Variants in ZIM2 observed in about 807,000 individuals in gnomAD.
ZIM2 encodes zinc finger protein 656.
Under a neutral mutation model 38.6 loss-of-function variants are expected in ZIM2, and 14 were observed. The observed-to-expected ratio is 0.36, with a 90% CI of 0.24 to 0.57. The LOEUF (loss-of-function observed/expected upper bound fraction) is 0.57. Among genes scored for constraint, ZIM2 ranks in the 20% least tolerant of loss-of-function variants. The pLI is 0.81. For synonymous variants in ZIM2, 247 were observed against 245.8 expected (o/e 1.00, Z -0.04); for missense variants, 680 against 695.1 (o/e 0.98, Z 0.24).
intron 11 of ZIM2, among the ~76,000 whole-genome samples, chr19:56,780,627 G>T (rs2046285531): frequency 6.6e-6 from 1 of 152,056 alleles, no homozygotes; most frequent in Non-Finnish European, 1.5e-5. Flanking sequence ...AAAAATGGAA[G>T]GTAACATCAT....
At chr19:56,805,016 G>A (rs1014842762) in intron 9 of ZIM2, among the ~76,000 whole-genome samples, 1 of 152,226 alleles carries the variant, frequency 6.6e-6, no homozygotes, top group African/African-American at 2.4e-5. Flanking sequence ...GAGTAGACTG[G>A]AGGGTTGGGT....
At chr19:56,816,677 C>G (rs1382328148) in intron 9 of ZIM2, 16 of 1,614,098 alleles carry the variant, frequency 9.9e-6, no homozygotes, top group Non-Finnish European at 1.4e-5. Flanking sequence ...TTATCTTTGT[C>G]ATCCCCAAAG....
At chr19:56,832,004 CAT>C (rs1000784500) in intron 2 of ZIM2, among the ~76,000 whole-genome samples, 23 of 152,114 alleles carry the variant, frequency 1.5e-4, no homozygotes, top group African/African-American at 5.1e-4. Context: ...AATAATCAAA[CAT>C]ATGGCAGTAC....
chr19:56,823,761 CCT>C (rs1179260525), intron 4 of ZIM2, 82 bp from the exon 5 acceptor site: 2 of 1,483,964 alleles, frequency 1.3e-6, no homozygotes, highest in Non-Finnish European at 1.9e-6. Context: ...GCCGCATCTC[CCT>C]GTCACAGACA....
Position 56,814,449 on chromosome 19 carries a change from G to T in ZIM2, c.490+3297C>A. Reference sequence around the variant, plus strand: ...ACTTACCACAATCCTTGCATTCATAGAATGGTATAGCTCCTTTGAGGGGCT... The same window carrying T: ...ACTTACCACAATCCTTGCATTCATATAATGGTATAGCTCCTTTGAGGGGCT... On this transcript the variant is annotated intron_variant, in intron 9 of 12. Coordinates refer to ENST00000629319, the MANE Select transcript of ZIM2 (RefSeq NM_001387356.1). This position sits in a 1 kb window ranked among gnomAD's most constrained non-coding sequence, Gnocchi z 5.8. 1 of 1,613,866 alleles carries T rather than the reference G, an allele frequency of 6.2e-7. No homozygotes were observed. The highest frequency in any genetic ancestry group is 8.5e-7 in the Non-Finnish European group (1 of 1,179,734).
rs1445911615 is a variant in ZIM2, at chr19:56,776,060, C to G, written c.836-531G>C. Among the ~76,000 whole-genome samples the G allele has an allele frequency of 1.1e-4, 16 of 145,414 alleles. No individual in the cohort carries two copies. The Admixed American group carries it at 1.1e-3, about 10-fold the overall frequency. On this transcript the variant is annotated intron_variant, in intron 12 of 12. Coordinates refer to ENST00000629319, the MANE Select transcript of ZIM2 (RefSeq NM_001387356.1). ...AGGTTGCAGTGAGCAGAGATCGCAC[C>G]ACTGCACTGCAGCCTGGATGACAGA... is the stretch of plus-strand genomic sequence containing the variant.
intron 10 of ZIM2, among the ~76,000 whole-genome samples, chr19:56,786,859 T>TA (rs1338518297): frequency 4.7e-4 from 72 of 152,130 alleles, no homozygotes; most frequent in African/African-American, 1.6e-3. Context: ...TTTTTTGAGA[T>TA]AGAGTCTCAC....
At chr19:56,783,410 G>A (rs2046427212) in intron 10 of ZIM2, among the ~76,000 whole-genome samples, 1 of 152,100 alleles carries the variant, frequency 6.6e-6, no homozygotes, top group African/African-American at 2.4e-5. Context: ...CAACCCAAGT[G>A]CCCATCTACA....
intron 9 of ZIM2, among the ~76,000 whole-genome samples, chr19:56,800,581 A>C (rs2047470222): frequency 6.6e-6 from 1 of 152,168 alleles, no homozygotes; most frequent in Admixed American, 6.5e-5. Context: ...TTATTTAAAA[A>C]GGTAGAAAGG....
At chr19:56,792,420 A>G (rs1384296721) in intron 9 of ZIM2, among the ~76,000 whole-genome samples, 1 of 149,830 alleles carries the variant, frequency 6.7e-6, no homozygotes. Flanking sequence ...AATTCTAGCT[A>G]CTCGGGAGGC....
At chr19:56,810,642 G>C in intron 9 of ZIM2, 1 of 945,022 alleles carries the variant, frequency 1.1e-6, no homozygotes, top group Middle Eastern at 5.4e-4. Context: ...AGGAATTTGA[G>C]ACAAAATATT....
chr19:56,837,221 A>G (rs2062244215), intron 1 of ZIM2, among the ~76,000 whole-genome samples: 1 of 152,036 alleles, frequency 6.6e-6, no homozygotes, highest in African/African-American at 2.4e-5. Flanking sequence ...CAGTTTCTCC[A>G]GAGGCCCCAC....
intron 9 of ZIM2, among the ~76,000 whole-genome samples, chr19:56,792,424 G>A (rs748163069): frequency 3.3e-5 from 5 of 150,838 alleles, no homozygotes; most frequent in South Asian, 2.1e-4. Context: ...CTAGCTACTC[G>A]GGAGGCTGAG....
chr19:56,779,354 C>A, intron 12 of ZIM2, 23 bp downstream of exon 12: 3 of 1,611,626 alleles, frequency 1.9e-6, no homozygotes, highest in Non-Finnish European at 2.5e-6. Flanking sequence ...TCCTACACCC[C>A]GGGCTTCCCC....
chr19:56,830,940 A>G (rs2061514712), intron 2 of ZIM2, among the ~76,000 whole-genome samples: 1 of 151,978 alleles, frequency 6.6e-6, no homozygotes, highest in South Asian at 2.1e-4. Context: ...AAAAATAAAA[A>G]ACAATAAAAA....
intron 1 of ZIM2, among the ~76,000 whole-genome samples, chr19:56,836,866 A>C (rs546168141): frequency 1.4e-4 from 21 of 149,572 alleles, no homozygotes; most frequent in African/African-American, 4.5e-4. Flanking sequence ...TACTCTGAAG[A>C]GGCTGGGGTG....
chr19:56,804,275 T>C (rs753180982), intron 9 of ZIM2, among the ~76,000 whole-genome samples: 6 of 152,170 alleles, frequency 3.9e-5, no homozygotes, highest in Non-Finnish European at 7.4e-5. Flanking sequence ...TCAGGGTGGA[T>C]AGAAGCCTTT....
rs377284647 is a variant in ZIM2, at chr19:56,815,564, G to C, written c.490+2182C>G. 1.1e-5 allele frequency: 17 copies of C among 1,613,928 alleles called. No individual in the cohort carries two copies. The highest frequency in any genetic ancestry group is 1.7e-5 in the Admixed American group (1 of 60,004). On this transcript the variant is annotated intron_variant, in intron 9 of 12. Coordinates refer to ENST00000629319, the MANE Select transcript of ZIM2 (RefSeq NM_001387356.1). ...AGCATCCCTCGAGGGCGAAATGTTT[G>C]TTCACCAAAAGGCAGAGAGTGAATT...
intron 9 of ZIM2, among the ~76,000 whole-genome samples, chr19:56,792,630 G>A (rs1299447893): frequency 2.0e-5 from 3 of 151,266 alleles, no homozygotes; most frequent in Non-Finnish European, 4.4e-5. Flanking sequence ...ACTCTAAGAC[G>A]GGAACAATAA....
Sources: allele counts gnomAD v4.1 joint callset (sites outside exome capture counted in the v4.1 genomes callset), GRCh38; gene constraint gnomAD v4.1.1; non-coding constraint Gnocchi (gnomAD v3.1); transcripts MANE v1.5; gene names NCBI Gene and HGNC (gene_info 2026-07-23, HGNC 2026-07-21).